The following AUTS2 variants were observed in gnomAD, a reference collection of about 807,000 sequenced individuals.
The protein encoded by AUTS2 is autism susceptibility gene 2 protein.
Under a neutral mutation model 112.4 loss-of-function variants are expected in AUTS2, and 17 were observed. That is an observed-to-expected ratio of 0.15 (90% CI 0.10 to 0.23). AUTS2 has a LOEUF of 0.23. Among genes scored for constraint, AUTS2 ranks in the 10% least tolerant of loss-of-function variants. The pLI is 1.00. For synonymous variants in AUTS2, 751 were observed against 702.7 expected, an observed-to-expected ratio of 1.07 and a Z score of -1.09; for missense variants, 1,510 against 1,701.6, an observed-to-expected ratio of 0.89 and a Z score of 1.98.
intron 2 of AUTS2, among the ~76,000 whole-genome samples, chr7:69,946,000 G>T (rs1796795895): frequency 6.6e-6 from 1 of 151,990 alleles, no homozygotes; most frequent in Middle Eastern, 3.2e-3. Flanking sequence ...ACCATGTCTG[G>T]CTGGCTGATT....
chr7:70,009,296 G>C (rs1032311149), intron 2 of AUTS2, among the ~76,000 whole-genome samples: 16 of 152,146 alleles, frequency 1.1e-4, no homozygotes, highest in African/African-American at 3.4e-4. Flanking sequence ...ATCACCTCCT[G>C]TTTGGCCCTA....
At chr7:70,070,950 A>G (rs948392518) in intron 2 of AUTS2, among the ~76,000 whole-genome samples, 2 of 152,038 alleles carry the variant, frequency 1.3e-5, no homozygotes, top group South Asian at 2.1e-4. Context: ...CACCAGGTAC[A>G]TTAGAAAGCC....
intron 1 of AUTS2, among the ~76,000 whole-genome samples, chr7:69,662,177 C>CT (rs548089445): frequency 3.9e-3 from 545 of 139,920 alleles, no homozygotes; most frequent in South Asian, 0.011. Flanking sequence ...GTATTCAGAG[C>CT]TTTTTTTTTT....
chr7:70,497,159 C>T (rs1422959978), intron 5 of AUTS2, among the ~76,000 whole-genome samples: 1 of 149,912 alleles, frequency 6.7e-6, no homozygotes, highest in Non-Finnish European at 1.5e-5. Context: ...ACCCCACTCA[C>T]ACACACCACG....
intron 5 of AUTS2, among the ~76,000 whole-genome samples, chr7:70,562,415 C>T (rs982513260): frequency 4.6e-5 from 7 of 152,204 alleles, no homozygotes; most frequent in Admixed American, 3.9e-4. Flanking sequence ...CAGTACAACC[C>T]GTTACTCCTA....
intron 4 of AUTS2, among the ~76,000 whole-genome samples, chr7:70,359,086 A>C (rs545163267): frequency 6.6e-6 from 1 of 152,248 alleles, no homozygotes; most frequent in Admixed American, 6.5e-5. Flanking sequence ...ATGCTCTACT[A>C]TACAGTGAAA....
At chr7:70,239,710 C>T (rs1812509648) in intron 4 of AUTS2, among the ~76,000 whole-genome samples, 1 of 152,198 alleles carries the variant, frequency 6.6e-6, no homozygotes, top group Non-Finnish European at 1.5e-5. Context: ...GTTGGGATTA[C>T]AGGCGTGAGC....
chr7:70,049,924 G>A (rs953981257), intron 2 of AUTS2, among the ~76,000 whole-genome samples: 10 of 152,168 alleles, frequency 6.6e-5, no homozygotes, highest in Middle Eastern at 3.4e-3. Context: ...GATACATTAC[G>A]AAGATAATTC....
chr7:70,352,325 TGC>T (rs1258452809), intron 4 of AUTS2, among the ~76,000 whole-genome samples: 7 of 152,216 alleles, frequency 4.6e-5, no homozygotes, highest in Non-Finnish European at 8.8e-5. Context: ...GCCAGAGTCC[TGC>T]ATTGATCACA....
At chr7:70,369,131 G>C (rs528791444) in intron 4 of AUTS2, among the ~76,000 whole-genome samples, 1 of 152,118 alleles carries the variant, frequency 6.6e-6, no homozygotes, top group Non-Finnish European at 1.5e-5. Context: ...AACGCACAAA[G>C]AACAGGCTTT....
intron 4 of AUTS2, among the ~76,000 whole-genome samples, chr7:70,366,645 T>C (rs1792582374): frequency 6.6e-6 from 1 of 152,198 alleles, no homozygotes; most frequent in Non-Finnish European, 1.5e-5. Context: ...AGGAGCTTTT[T>C]AAGAAGAGAG....
chr7:70,528,176 T>C (rs1397402483), intron 5 of AUTS2, among the ~76,000 whole-genome samples: 8 of 149,782 alleles, frequency 5.3e-5, no homozygotes, highest in Non-Finnish European at 1.5e-5. Context: ...ATAATTGATA[T>C]TGTAACTGTC....
At chr7:69,790,391 G>C (rs1445043768) in intron 1 of AUTS2, among the ~76,000 whole-genome samples, 2 of 152,278 alleles carry the variant, frequency 1.3e-5, no homozygotes, top group Admixed American at 6.5e-5. Context: ...ATAACGGAAA[G>C]GGTGTTTAGG....
At chr7:69,912,114 G>T (rs1376639602) in intron 2 of AUTS2, among the ~76,000 whole-genome samples, 3 of 152,214 alleles carry the variant, frequency 2.0e-5, no homozygotes, top group Admixed American at 6.5e-5. Context: ...GGGCTGGCGT[G>T]TCAATGCCAC....
At chr7:70,168,453 A>G (rs979210310) in intron 4 of AUTS2, among the ~76,000 whole-genome samples, 6 of 152,212 alleles carry the variant, frequency 3.9e-5, no homozygotes, top group African/African-American at 1.4e-4. Flanking sequence ...AGTAGCTGGG[A>G]CTACAGGCGC....
intron 4 of AUTS2, among the ~76,000 whole-genome samples, chr7:70,324,456 T>C (rs2129618179): frequency 6.6e-6 from 1 of 151,738 alleles, no homozygotes; most frequent in African/African-American, 2.4e-5. Flanking sequence ...ACCCTATCTC[T>C]ACAAAAAATT....
At chr7:70,614,688 G>T (rs1804262036) in intron 5 of AUTS2, among the ~76,000 whole-genome samples, 1 of 152,176 alleles carries the variant, frequency 6.6e-6, no homozygotes, top group Non-Finnish European at 1.5e-5. Flanking sequence ...TGGCGCATCA[G>T]GGCCTATTAG....
chr7:70,453,053 C>T (rs1028461244), intron 5 of AUTS2, among the ~76,000 whole-genome samples: 2 of 152,130 alleles, frequency 1.3e-5, no homozygotes, highest in African/African-American at 4.8e-5. Context: ...ACCCCAAGAG[C>T]TCTTCTTTAC....
At chr7:70,321,820 C>T (rs1357032355) in intron 4 of AUTS2, among the ~76,000 whole-genome samples, 4 of 152,016 alleles carry the variant, frequency 2.6e-5, no homozygotes, top group Non-Finnish European at 5.9e-5. Context: ...TATTATATGT[C>T]CCTCCCGCCC....
Sources: allele counts gnomAD v4.1 joint callset (sites outside exome capture counted in the v4.1 genomes callset), GRCh38; gene constraint gnomAD v4.1.1; transcripts MANE v1.5; gene names NCBI Gene and HGNC (gene_info 2026-07-23, HGNC 2026-07-21).